Variants in OOSP4B observed in about 807,000 individuals in gnomAD.
The protein encoded by OOSP4B is oocyte-secreted protein 4B.
intron 2 of OOSP4B, among the ~76,000 whole-genome samples, chr11:60,024,427 C>G (rs1854724792): frequency 6.6e-6 from 1 of 152,150 alleles, no homozygotes; most frequent in Non-Finnish European, 1.5e-5. Context: ...GTAATCCCAG[C>G]TATTTGGGAG....
In OOSP4B at chr11:60,023,973, AC is replaced by A. The variant is rs2134625882; in HGVS notation, c.118del (p.Leu40Ter). Reference sequence around the variant, plus strand: ...ACAGACATTAGAATTGGCGACATACACCTGAGAGATAACTGTCCTGTAACAA... The same window carrying A: ...ACAGACATTAGAATTGGCGACATACACTGAGAGATAACTGTCCTGTAACAA... On this transcript the variant is annotated frameshift_variant, in exon 2 of 5. Coordinates refer to ENST00000642343, the Ensembl canonical transcript of OOSP4B. LOFTEE classifies it high-confidence loss of function. 1 of 398,578 alleles carries A rather than the reference AC, an allele frequency of 2.5e-6. No homozygotes were observed. The highest frequency in any genetic ancestry group is 3.6e-5 in the East Asian group (1 of 28,058). The allele number at this position is 398,578 out of a possible 1,614,324, so 24.7% of individuals were successfully genotyped here. A position where few individuals can be genotyped will look rare whatever the true frequency, so the allele number is the denominator to read the frequency against.
intron 1 of OOSP4B, among the ~76,000 whole-genome samples, chr11:60,019,242 AT>A (rs1227509810): frequency 1.3e-5 from 2 of 152,082 alleles, no homozygotes; most frequent in Admixed American, 1.3e-4. Flanking sequence ...ATAAAAAAAA[AT>A]AACCTAGTGC....
intron 3 of OOSP4B, among the ~76,000 whole-genome samples, 152 bp downstream of exon 3, chr11:60,025,157 T>C (rs185612668): frequency 1.3e-4 from 20 of 152,322 alleles, no homozygotes; most frequent in African/African-American, 3.8e-4. Flanking sequence ...TGTTCAAATG[T>C]ACAGAATTGA....
At chr11:60,018,033 A>G (rs534116003) in intron 1 of OOSP4B, among the ~76,000 whole-genome samples, 3 of 152,288 alleles carry the variant, frequency 2.0e-5, no homozygotes, top group African/African-American at 7.2e-5. Flanking sequence ...CCAGGAAAAA[A>G]TTACTAGGAA....
chr11:60,027,419 G>T (rs1482821437), intron 3 of OOSP4B, among the ~76,000 whole-genome samples: 1 of 151,968 alleles, frequency 6.6e-6, no homozygotes, highest in Admixed American at 6.6e-5. Flanking sequence ...GAACGGGGTA[G>T]AAAATGTACC....
At chr11:60,020,115 G>C (rs992358373) in intron 1 of OOSP4B, among the ~76,000 whole-genome samples, 5 of 152,202 alleles carry the variant, frequency 3.3e-5, no homozygotes, top group African/African-American at 1.2e-4. Flanking sequence ...ACAGAGTGCC[G>C]ATTGGTGTAT....
intron 3 of OOSP4B, among the ~76,000 whole-genome samples, chr11:60,025,312 C>T (rs550800): frequency 1 from 151,605 of 152,332 alleles, 75,447 homozygotes; most frequent in Non-Finnish European, 1. Flanking sequence ...TATCATGAAT[C>T]AAGGATCAAT....
At chr11:60,024,629 A>G (rs1854726743) in intron 2 of OOSP4B, among the ~76,000 whole-genome samples, 2 of 152,348 alleles carry the variant, frequency 1.3e-5, no homozygotes, top group East Asian at 1.9e-4. Context: ...TTATGAATAT[A>G]TGCAATTGTA....
At chr11:60,025,324 A>G (rs1565049519) in intron 3 of OOSP4B, among the ~76,000 whole-genome samples, 1 of 152,198 alleles carries the variant, frequency 6.6e-6, no homozygotes, top group Non-Finnish European at 1.5e-5. Flanking sequence ...AGGATCAATA[A>G]TTTACTTGAA....
chr11:60,023,616 G>A (rs942894088), intron 1 of OOSP4B, among the ~76,000 whole-genome samples: 1 of 152,020 alleles, frequency 6.6e-6, no homozygotes, highest in Admixed American at 6.6e-5. Flanking sequence ...TGCATTTTTA[G>A]TAGAGATGGG....
exon 1 of OOSP4B, chr11:60,017,313 AAAGGTTTAT>A: frequency 5.0e-6 from 2 of 398,622 alleles, no homozygotes; most frequent in East Asian, 7.1e-5. Context: ...GAATGTGGCC[AAAGGTTTAT>A]AAGCACTCAA....
intron 3 of OOSP4B, among the ~76,000 whole-genome samples, chr11:60,028,252 G>A (rs1373032526): frequency 6.6e-6 from 1 of 151,018 alleles, no homozygotes; most frequent in African/African-American, 2.4e-5. Flanking sequence ...TTCAACCACC[G>A]CTTCCTGGGT....
chr11:60,017,847 C>A (rs1854642385), intron 1 of OOSP4B, among the ~76,000 whole-genome samples: 1 of 152,102 alleles, frequency 6.6e-6, no homozygotes, highest in Admixed American at 6.5e-5. Context: ...TTGGCCTATC[C>A]ATGGTGCTGG....
Position 60,030,802 on chromosome 11 carries a change from G to A in OOSP4B, c.451G>A (p.Glu151Lys), listed in dbSNP as rs144603206. 7.5e-4 allele frequency: 299 copies of A among 398,058 alleles called. 2 individuals are homozygous for A. The highest frequency in any genetic ancestry group is 5.8e-3 in the African/African-American group (284 of 48,650). The allele number at this position is 398,058 out of a possible 1,614,324, so 24.7% of individuals were successfully genotyped here. A position where few individuals can be genotyped will look rare whatever the true frequency, so the allele number is the denominator to read the frequency against. Residue 151 changes from glutamate to lysine, a missense_variant and splice_region_variant, in exon 5 of 5, where the codon GAG (glutamate) becomes AAG (lysine). Physicochemically the swap from Glu to Lys is moderately conservative, Grantham distance 56 (BLOSUM62 1). Transcript: ENST00000642343. ...ACTGCTTTTCCCCCCTATCCTACAG[G>A]AGCAACTATCCAAGAAGTCACTGTA...
At chr11:60,018,720 C>T (rs1854651376) in intron 1 of OOSP4B, among the ~76,000 whole-genome samples, 1 of 152,228 alleles carries the variant, frequency 6.6e-6, no homozygotes, top group African/African-American at 2.4e-5. Context: ...TCAGACTTGG[C>T]TTCTCTGTTA....
chr11:60,017,472 G>A (rs1049378873), intron 1 of OOSP4B, 59 bp downstream of exon 1: 5 of 398,476 alleles, frequency 1.3e-5, no homozygotes, highest in Non-Finnish European at 2.2e-5. Flanking sequence ...ACCCAGGTAT[G>A]CATAAGAAAT....
intron 3 of OOSP4B, among the ~76,000 whole-genome samples, chr11:60,028,356 A>G (rs1299965594): frequency 1.3e-5 from 2 of 151,736 alleles, no homozygotes; most frequent in Admixed American, 1.3e-4. Context: ...AGTAGAGATG[A>G]GGTTTCACCA....
chr11:60,026,603 A>G (rs962140449), intron 3 of OOSP4B, among the ~76,000 whole-genome samples: 14 of 152,198 alleles, frequency 9.2e-5, no homozygotes, highest in Non-Finnish European at 2.1e-4. Context: ...AAGGGTGGAA[A>G]AGGTCAGACA....
At chr11:60,030,735 CGT>C (rs1376308892) in intron 4 of OOSP4B, 65 bp from the exon 5 acceptor site, 3 of 397,600 alleles carry the variant, frequency 7.5e-6, no homozygotes, top group African/African-American at 6.2e-5. Context: ...GTTCTCTGAA[CGT>C]GTTTTCTTTT....
Sources: allele counts gnomAD v4.1 joint callset (sites outside exome capture counted in the v4.1 genomes callset), GRCh38; gene constraint gnomAD v4.1.1; transcripts MANE v1.5; gene names NCBI Gene and HGNC (gene_info 2026-07-23, HGNC 2026-07-21).